Variants in ALK observed in about 807,000 individuals in gnomAD.
ALK encodes the protein ALK receptor tyrosine kinase.
Under a neutral mutation model 163.1 loss-of-function variants are expected in ALK, and 74 were observed. The ratio of observed to expected loss-of-function variants is 0.45; its 90% CI spans 0.38 to 0.55. The LOEUF is 0.55. ALK is among the 20% of genes least tolerant of loss of function. The pLI is 0.00. For missense variants in ALK, 2,063 were observed against 2,105.3 expected (o/e 0.98, Z 0.39); for synonymous variants, 960 against 843.2 (o/e 1.14, Z -2.40).
intron 9 of ALK, among the ~76,000 whole-genome samples, chr2:29,275,758 G>A (rs1288681800): frequency 1.3e-5 from 2 of 152,188 alleles, no homozygotes; most frequent in Non-Finnish European, 2.9e-5. Flanking sequence ...TTTGGGGCCT[G>A]GGACCAGGAC....
chr2:29,725,735 G>C (rs1167416267), intron 1 of ALK, among the ~76,000 whole-genome samples: 1 of 152,108 alleles, frequency 6.6e-6, no homozygotes, highest in Admixed American at 6.5e-5. Context: ...CTTTGCAGGG[G>C]CAGGGGCAGA....
intron 3 of ALK, among the ~76,000 whole-genome samples, chr2:29,574,057 G>GAAA (rs1393068474): frequency 5.9e-5 from 2 of 34,022 alleles, no homozygotes; most frequent in South Asian, 1.2e-3. Context: ...CCCCCTATCT[G>GAAA]AAAAAAATAA....
chr2:29,306,099 G>A (rs1043152959), intron 8 of ALK, among the ~76,000 whole-genome samples: 1 of 152,182 alleles, frequency 6.6e-6, no homozygotes, highest in African/African-American at 2.4e-5. Context: ...TGGCCTGGGG[G>A]TTGGGGACCC....
intron 1 of ALK, among the ~76,000 whole-genome samples, chr2:29,859,621 GA>G (rs560182399): frequency 6.6e-6 from 1 of 151,604 alleles, no homozygotes; most frequent in Admixed American, 6.6e-5. Flanking sequence ...GGTCGCTTGT[GA>G]AAAAAAATAA....
intron 11 of ALK, among the ~76,000 whole-genome samples, chr2:29,271,895 G>A (rs934995362): frequency 2.0e-5 from 3 of 152,226 alleles, no homozygotes; most frequent in African/African-American, 7.2e-5. Flanking sequence ...GTGGAGTTGG[G>A]CCCAAAGTTT....
At chr2:29,895,658 G>C (rs1346478699) in intron 1 of ALK, among the ~76,000 whole-genome samples, 1 of 152,210 alleles carries the variant, frequency 6.6e-6, no homozygotes, top group Non-Finnish European at 1.5e-5. Flanking sequence ...ATTCCTTCTA[G>C]ATGATATGTG....
intron 2 of ALK, among the ~76,000 whole-genome samples, chr2:29,713,993 G>A (rs371061368): frequency 1.2e-4 from 19 of 152,078 alleles, no homozygotes; most frequent in African/African-American, 4.3e-4. Context: ...TGTCTCTGTG[G>A]CTCTAAAACT....
intron 4 of ALK, among the ~76,000 whole-genome samples, chr2:29,395,963 A>C (rs541073440): frequency 6.6e-6 from 1 of 152,282 alleles, no homozygotes; most frequent in Non-Finnish European, 1.5e-5. Context: ...GAAGCCTCCC[A>C]TGTCATGGAA....
At chr2:29,444,864 C>T (rs1219525192) in intron 4 of ALK, among the ~76,000 whole-genome samples, 1 of 152,190 alleles carries the variant, frequency 6.6e-6, no homozygotes. Flanking sequence ...GTAGCTGACT[C>T]CTTGGTCCTG....
At chr2:29,245,370 C>T (rs1156883172) in intron 12 of ALK, among the ~76,000 whole-genome samples, 1 of 135,594 alleles carries the variant, frequency 7.4e-6, no homozygotes, top group African/African-American at 2.8e-5. Context: ...CTCCATGGCT[C>T]AGTGCCCTGC....
At chr2:29,886,241 CAGTA>C (rs1355667428) in intron 1 of ALK, among the ~76,000 whole-genome samples, 3 of 152,304 alleles carry the variant, frequency 2.0e-5, no homozygotes, top group Admixed American at 6.5e-5. Context: ...TTTATGTTAT[CAGTA>C]AGACTTTCAG....
intron 4 of ALK, among the ~76,000 whole-genome samples, chr2:29,455,404 G>A (rs1440280631): frequency 6.6e-6 from 1 of 152,200 alleles, no homozygotes; most frequent in Non-Finnish European, 1.5e-5. Context: ...GGTCTGATCA[G>A]CTTGGAGACT....
chr2:29,553,867 CTG>C (rs937675950), intron 3 of ALK, among the ~76,000 whole-genome samples: 1 of 152,076 alleles, frequency 6.6e-6, no homozygotes, highest in African/African-American at 2.4e-5. Context: ...TGTGAATTGT[CTG>C]TTTTTTTTGT....
At chr2:29,617,780 T>A (rs1675894555) in intron 3 of ALK, among the ~76,000 whole-genome samples, 1 of 152,188 alleles carries the variant, frequency 6.6e-6, no homozygotes, top group African/African-American at 2.4e-5. Flanking sequence ...TTGAATGAAG[T>A]CTTCCTCGCC....
intron 13 of ALK, among the ~76,000 whole-genome samples, chr2:29,234,726 C>T (rs892846578): frequency 9.2e-5 from 14 of 152,214 alleles, no homozygotes; most frequent in South Asian, 6.2e-4. Flanking sequence ...TCTAGTGGAG[C>T]GCCTCACACA....
intron 24 of ALK, among the ~76,000 whole-genome samples, chr2:29,211,928 T>C (rs1669476729): frequency 6.6e-6 from 1 of 152,176 alleles, no homozygotes; most frequent in South Asian, 2.1e-4. Flanking sequence ...TATTTCCAGA[T>C]ATGGAAGTGA....
At chr2:29,862,463 C>A (rs1404884761) in intron 1 of ALK, among the ~76,000 whole-genome samples, 2 of 152,064 alleles carry the variant, frequency 1.3e-5, no homozygotes, top group Non-Finnish European at 2.9e-5. Context: ...CATATGAAAT[C>A]ATCATACAAA....
chr2:29,481,266 A>G (rs1000776117), intron 4 of ALK, among the ~76,000 whole-genome samples: 1 of 152,232 alleles, frequency 6.6e-6, no homozygotes, highest in Non-Finnish European at 1.5e-5. Context: ...GTAAGAAAAC[A>G]AACTTGACGG....
At chr2:29,284,383 C>T (rs1430038461) in intron 9 of ALK, among the ~76,000 whole-genome samples, 6 of 152,134 alleles carry the variant, frequency 3.9e-5, no homozygotes, top group Non-Finnish European at 4.4e-5. Flanking sequence ...TCAATTATCT[C>T]CTAAATTGCA....
Sources: allele counts gnomAD v4.1 joint callset (sites outside exome capture counted in the v4.1 genomes callset), GRCh38; gene constraint gnomAD v4.1.1; transcripts MANE v1.5; gene names NCBI Gene and HGNC (gene_info 2026-07-23, HGNC 2026-07-21).